Variants in RASGRF1 observed in about 807,000 individuals in gnomAD.
RASGRF1 encodes Ras protein specific guanine nucleotide releasing factor 1.
Under a neutral mutation model 138.7 loss-of-function variants are expected in RASGRF1, and 40 were observed. That is an observed-to-expected ratio of 0.29 (90% CI 0.22 to 0.38). The LOEUF (loss-of-function observed/expected upper bound fraction) is 0.38. Ranked by LOEUF, RASGRF1 falls within the 10% of genes least tolerant of loss-of-function variation. RASGRF1 has a pLI of 1.00. For synonymous variants in RASGRF1, 614 were observed against 663.2 expected, an observed-to-expected ratio of 0.93 and a Z score of 1.14; for missense variants, 1,108 against 1,650.4, an observed-to-expected ratio of 0.67 and a Z score of 5.69.
At chr15:78,982,650 T>A (rs978489440) in intron 23 of RASGRF1, among the ~76,000 whole-genome samples, 1 of 152,014 alleles carries the variant, frequency 6.6e-6, no homozygotes, top group Non-Finnish European at 1.5e-5. Context: ...GGAGTCAGTG[T>A]CAGGAAGAAA....
intron 6 of RASGRF1, among the ~76,000 whole-genome samples, chr15:79,033,690 A>G (rs2057177524): frequency 6.8e-6 from 1 of 147,542 alleles, no homozygotes; most frequent in Non-Finnish European, 1.5e-5. Context: ...CCTGGGTTCA[A>G]GCAATTCTCC....
intron 2 of RASGRF1, among the ~76,000 whole-genome samples, chr15:79,059,865 C>T (rs2057573960): frequency 6.6e-6 from 1 of 151,848 alleles, no homozygotes. Context: ...TAGGAAGTAT[C>T]TATTATGTAT....
chr15:79,068,587 C>T (rs945460770), intron 1 of RASGRF1, among the ~76,000 whole-genome samples: 2 of 146,898 alleles, frequency 1.4e-5, no homozygotes, highest in South Asian at 2.1e-4. Flanking sequence ...TATATACATA[C>T]ATATATATTT....
At chr15:79,025,217 C>T (rs2140988782) in intron 10 of RASGRF1, 97 bp downstream of exon 10, 1 of 1,373,706 alleles carries the variant, frequency 7.3e-7, no homozygotes, top group East Asian at 2.4e-5. Context: ...TCTCTGACAC[C>T]CCTGCCCACC....
At chr15:79,055,025 C>T (rs1008340465) in intron 3 of RASGRF1, among the ~76,000 whole-genome samples, 1 of 152,178 alleles carries the variant, frequency 6.6e-6, no homozygotes, top group Admixed American at 6.5e-5. Flanking sequence ...TGAATATGTA[C>T]TCTGTTATCA....
intron 13 of RASGRF1, among the ~76,000 whole-genome samples, chr15:79,007,870 T>C (rs1023519460): frequency 2.0e-5 from 3 of 151,286 alleles, no homozygotes; most frequent in African/African-American, 4.9e-5. Flanking sequence ...TTTTTCTTTT[T>C]TTTTTTTTCT....
intron 22 of RASGRF1, among the ~76,000 whole-genome samples, chr15:78,989,183 T>C (rs1003651786): frequency 6.6e-6 from 1 of 152,170 alleles, no homozygotes; most frequent in African/African-American, 2.4e-5. Context: ...CTCCCATGTT[T>C]CTCTGAGGAG....
At chr15:78,983,103 G>A (rs1044285466) in intron 23 of RASGRF1, among the ~76,000 whole-genome samples, 5 of 152,158 alleles carry the variant, frequency 3.3e-5, no homozygotes, top group Non-Finnish European at 7.3e-5. Context: ...CATTTTAGAG[G>A]GTCTCCAGTG....
At chr15:79,028,754 A>C (rs961889050) in intron 8 of RASGRF1, among the ~76,000 whole-genome samples, 1 of 152,216 alleles carries the variant, frequency 6.6e-6, no homozygotes, top group Non-Finnish European at 1.5e-5. Context: ...TCTGCTGCTG[A>C]TGCCTGAATT....
intron 26 of RASGRF1, among the ~76,000 whole-genome samples, chr15:78,966,947 G>A (rs1169059406): frequency 6.6e-6 from 1 of 151,914 alleles, no homozygotes; most frequent in Admixed American, 6.6e-5. Context: ...CAATTATTTG[G>A]ATATATTGTA....
intron 2 of RASGRF1, among the ~76,000 whole-genome samples, chr15:79,058,745 T>A (rs569138282): frequency 2.6e-5 from 4 of 152,228 alleles, no homozygotes; most frequent in Non-Finnish European, 5.9e-5. Context: ...TCCCACCCAC[T>A]TTTAAAGATA....
At chr15:79,075,701 T>C (rs188622056) in intron 1 of RASGRF1, among the ~76,000 whole-genome samples, 9 of 152,312 alleles carry the variant, frequency 5.9e-5, no homozygotes, top group Admixed American at 5.9e-4. Flanking sequence ...TGTGGCACTT[T>C]CAGTACTAAA....
chr15:79,035,359 A>G, intron 5 of RASGRF1, 149 bp from the exon 6 acceptor site: 1 of 627,208 alleles, frequency 1.6e-6, no homozygotes, highest in East Asian at 2.9e-5. Flanking sequence ...AGGATGGATC[A>G]TATAATCTGG....
At position 78,998,069 on chromosome 15, in the gene RASGRF1, G is replaced by A. The variant is rs747967607; in HGVS notation, c.2966+27C>T. ...GGCTCCTGTCCCAGCAGGCAGTTCT[G>A]AGCCAGGAACCAGGTACTGCCTTTA... On this transcript the variant is annotated intron_variant, in intron 19 of 26. Transcript: ENST00000558480. 4.4e-6 allele frequency: 7 copies of A among 1,586,202 alleles called. No homozygotes were observed. The African/African-American group carries it at 8.1e-5, about 18-fold the overall frequency.
At chr15:78,970,850 C>A (rs1258321548) in intron 26 of RASGRF1, among the ~76,000 whole-genome samples, 1 of 146,454 alleles carries the variant, frequency 6.8e-6, no homozygotes. Context: ...TTCAGACCAA[C>A]CATTCTCTTA....
At chr15:79,028,050 C>T (rs1336241453) in intron 8 of RASGRF1, among the ~76,000 whole-genome samples, 191 bp from the exon 9 acceptor site, 5 of 152,172 alleles carry the variant, frequency 3.3e-5, no homozygotes, top group Non-Finnish European at 7.3e-5. Flanking sequence ...ACTTCATAGG[C>T]ACGACCTCAT....
rs1567598878 is a variant in RASGRF1 at position 79,061,413 on chromosome 15, A to ATATATATATATATATATAT, written c.384-2933_384-2932insATATATATATATATATATA. ...TAGAAAATTAGAACACTATCTTTAA[A>ATATATATATATATATATAT]ATATATATATATATATATCATTCAT... is the stretch of plus-strand genomic sequence containing the variant. On this transcript the variant is annotated intron_variant, in intron 2 of 26. Coordinates refer to ENST00000558480, the MANE Select transcript of RASGRF1 (RefSeq NM_001145648.3). Among the ~76,000 whole-genome samples the ATATATATATATATATATAT allele has an allele frequency of 3.9e-3, 461 of 116,962 alleles. 14 individuals are homozygous for ATATATATATATATATATAT. The highest frequency in any genetic ancestry group is 0.025 in the East Asian group (95 of 3,852). 76.7% of individuals were successfully genotyped at this position (116,962 alleles called of 152,430 possible).
At chr15:78,996,530 G>A (rs2141677938) in intron 19 of RASGRF1, among the ~76,000 whole-genome samples, 2 of 152,258 alleles carry the variant, frequency 1.3e-5, no homozygotes, top group East Asian at 3.9e-4. Flanking sequence ...GCCCCTCAGG[G>A]AACTGCCTCA....
intron 1 of RASGRF1, among the ~76,000 whole-genome samples, chr15:79,071,012 C>T (rs1021517582): frequency 1.3e-5 from 2 of 152,238 alleles, no homozygotes; most frequent in African/African-American, 4.8e-5. Context: ...GACCTCTTAT[C>T]CTCTGCTGGT....
Sources: gnomAD v4.1 joint callset for allele counts (sites outside exome capture counted in the v4.1 genomes callset) on GRCh38, gnomAD v4.1.1 for gene constraint, MANE v1.5 for transcripts, NCBI Gene and HGNC (gene_info 2026-07-23, HGNC 2026-07-21) for gene names.